Variants in PPME1 observed in about 807,000 individuals in gnomAD.
PPME1 encodes testicular secretory protein Li 39.
A neutral mutation model predicts 56.9 loss-of-function variants in PPME1; 17 were observed. The observed-to-expected ratio is 0.30, with a 90% CI of 0.20 to 0.45. PPME1 has a LOEUF of 0.45. Among genes scored for constraint, PPME1 ranks in the 20% least tolerant of loss-of-function variants. The probability of loss-of-function intolerance (pLI) is 1.00; values close to 1 mark genes in which losing one functional copy is unlikely to be tolerated. For synonymous variants in PPME1, 122 were observed against 156.2 expected (o/e 0.78, Z 1.63); for missense variants, 357 against 483.2 (o/e 0.74, Z 2.45).
intron 11 of PPME1, chr11:74,250,696 C>G (rs920431845): frequency 3.6e-5 from 16 of 440,796 alleles, no homozygotes; most frequent in Middle Eastern, 6.1e-4. Flanking sequence ...AGGACAAGAA[C>G]TGTTTCTTCT....
intron 1 of PPME1, among the ~76,000 whole-genome samples, chr11:74,174,420 AC>A (rs1857359221): frequency 6.6e-6 from 1 of 152,170 alleles, no homozygotes; most frequent in African/African-American, 2.4e-5. Context: ...GAAGTCTCAC[AC>A]CAATTTCAAA....
intron 1 of PPME1, among the ~76,000 whole-genome samples, chr11:74,200,574 G>A (rs1435080643): frequency 2.0e-5 from 3 of 152,030 alleles, no homozygotes; most frequent in African/African-American, 4.8e-5. Context: ...GTAGAGACAG[G>A]GTTTTGCAGT....
At position 74,228,939 on chromosome 11, in the gene PPME1, C is replaced by T. The variant is rs1038270306; in HGVS notation, c.399-1306C>T. Among the ~76,000 whole-genome samples, 9 of 152,210 alleles carry T rather than the reference C, an allele frequency of 5.9e-5. No homozygotes were observed. The East Asian group carries it at 1.3e-3, about 23-fold the overall frequency. On this transcript the variant is annotated intron_variant, in intron 5 of 13. Coordinates refer to ENST00000328257, the MANE Select transcript of PPME1 (RefSeq NM_016147.3). ...ACTTTTCGTCTTAACTATTTGTTATCGCTTTGGATGACTGCCTGAACTGCT... is the reference window on the plus strand; with the variant it reads ...ACTTTTCGTCTTAACTATTTGTTATTGCTTTGGATGACTGCCTGAACTGCT...
chr11:74,252,266 T>A (rs911831461), intron 13 of PPME1: 4 of 295,906 alleles, frequency 1.4e-5, no homozygotes, highest in African/African-American at 4.4e-5. Flanking sequence ...TTTTTTTTTT[T>A]AGTAAAGATG....
intron 1 of PPME1, chr11:74,198,701 C>T (rs185275661): frequency 1.3e-5 from 2 of 152,156 alleles, no homozygotes; most frequent in African/African-American, 2.4e-5. Context: ...AATCCTCCCC[C>T]CTTGACCTCC....
At chr11:74,253,382 T>G in intron 13 of PPME1, 110 bp from the exon 14 acceptor site, 2 of 1,122,550 alleles carry the variant, frequency 1.8e-6, no homozygotes, top group Non-Finnish European at 2.6e-6. Context: ...GGGTCAGATT[T>G]GCCAGGGCCT....
chr11:74,231,230 A>T (rs749476331), intron 7 of PPME1, among the ~76,000 whole-genome samples: 28 of 152,038 alleles, frequency 1.8e-4, no homozygotes, highest in Non-Finnish European at 3.4e-4. Context: ...GCTAATTTTT[A>T]AATTTTTTGT....
chr11:74,230,416 C>A lies in PPME1; in HGVS notation c.553+17C>A, dbSNP rs756281154. On this transcript the variant is annotated intron_variant, in intron 6 of 13. Transcript: ENST00000328257. The surrounding 1 kb of genome is among the most constrained non-coding windows in gnomAD (Gnocchi z 4.9). The stretch of plus-strand genomic sequence containing the variant: ...TTGTAGAAGGTGAGTTTTCTTAGCA[C>A]TGACCAAATCAGGATTTCACTTATA... 7 of 1,612,108 alleles carry A rather than the reference C, an allele frequency of 4.3e-6. No homozygotes were observed. Among genetic ancestry groups the A allele is most frequent in the African/African-American group, 1.3e-5 (1 of 74,858 alleles).
chr11:74,190,736 A>T (rs1212905572), intron 1 of PPME1, among the ~76,000 whole-genome samples: 1 of 152,226 alleles, frequency 6.6e-6, no homozygotes, highest in African/African-American at 2.4e-5. Context: ...AGACAGGAAG[A>T]TGAGGAAAAG....
intron 3 of PPME1, among the ~76,000 whole-genome samples, chr11:74,211,696 T>C (rs1381339779): frequency 6.6e-6 from 1 of 152,122 alleles, no homozygotes; most frequent in Non-Finnish European, 1.5e-5. Context: ...ATATTTCATA[T>C]ATGTGCAAAA....
In PPME1 at chr11:74,173,460, TGA is replaced by T. The variant is rs533430486; in HGVS notation, c.101+1943_101+1944del. On this transcript the variant is annotated intron_variant, in intron 1 of 13. Coordinates refer to ENST00000328257, the MANE Select transcript of PPME1 (RefSeq NM_016147.3). Reference sequence around the variant, plus strand: ...AGATTGAAGAACTGAATGAAGATACTGAGAGAAAAAAAAAGGAAAATCTGCTG... The same window carrying T: ...AGATTGAAGAACTGAATGAAGATACTGAGAAAAAAAAAGGAAAATCTGCTG... Among the ~76,000 whole-genome samples the T allele has an allele frequency of 9.9e-5, 15 of 151,912 alleles. No individual in the cohort carries two copies. In the East Asian group the frequency reaches 1.7e-3, roughly 18 times the overall value.
chr11:74,214,509 C>T (rs1858570733), intron 3 of PPME1, among the ~76,000 whole-genome samples: 1 of 151,996 alleles, frequency 6.6e-6, no homozygotes. Context: ...CCAAATAAGA[C>T]TACCTCAAGG....
At chr11:74,200,445 G>A (rs761252005) in intron 1 of PPME1, among the ~76,000 whole-genome samples, 1 of 150,296 alleles carries the variant, frequency 6.7e-6, no homozygotes, top group Non-Finnish European at 1.5e-5. Flanking sequence ...GCAGTGGCAC[G>A]ATTTTGACTC....
chr11:74,222,438 A>G (rs1235868271), intron 4 of PPME1, 69 bp downstream of exon 4: 2 of 1,354,896 alleles, frequency 1.5e-6, no homozygotes, highest in African/African-American at 1.5e-5. Flanking sequence ...AGTTGTAACT[A>G]TTAGAAATTT....
At chr11:74,199,703 C>T (rs1166807401) in intron 1 of PPME1, among the ~76,000 whole-genome samples, 1 of 152,098 alleles carries the variant, frequency 6.6e-6, no homozygotes, top group Non-Finnish European at 1.5e-5. Flanking sequence ...AAAGACATAT[C>T]CAAGACTGGG....
chr11:74,171,417 C>A lies in PPME1; in HGVS notation c.-5C>A. 6.2e-7 allele frequency: 1 copy of A among 1,609,716 alleles called. No individual in the cohort carries two copies. Among genetic ancestry groups the A allele is most frequent in the Non-Finnish European group, 8.5e-7 (1 of 1,178,208 alleles). On this transcript the variant is annotated 5_prime_UTR_variant, in exon 1 of 14. Transcript: ENST00000328257. Reference sequence around the variant, plus strand: ...GTTTGACTACGTGCGTGCAGCCTCCCCTCGATGTCGGCCCTCGAAAAGAGC... The same window carrying A: ...GTTTGACTACGTGCGTGCAGCCTCCACTCGATGTCGGCCCTCGAAAAGAGC...
chr11:74,180,384 G>A (rs1857500815), intron 1 of PPME1, among the ~76,000 whole-genome samples: 1 of 152,102 alleles, frequency 6.6e-6, no homozygotes, highest in African/African-American at 2.4e-5. Flanking sequence ...CTAACTGAAC[G>A]AGAAACCCAA....
At chr11:74,244,909 AAT>A (rs1859467299) in intron 9 of PPME1, among the ~76,000 whole-genome samples, 1 of 152,176 alleles carries the variant, frequency 6.6e-6, no homozygotes, top group Non-Finnish European at 1.5e-5. Context: ...TTCACTTTGG[AAT>A]ATGCATATCT....
At chr11:74,218,942 G>A (rs2135644176) in intron 3 of PPME1, among the ~76,000 whole-genome samples, 1 of 152,048 alleles carries the variant, frequency 6.6e-6, no homozygotes, top group Non-Finnish European at 1.5e-5. Flanking sequence ...ACAAAGTGAA[G>A]AAACAACCCA....
Sources: gnomAD v4.1 joint callset for allele counts (sites outside exome capture counted in the v4.1 genomes callset) on GRCh38, gnomAD v4.1.1 for gene constraint, Gnocchi (gnomAD v3.1) non-coding constraint, MANE v1.5 for transcripts, NCBI Gene and HGNC (gene_info 2026-07-23, HGNC 2026-07-21) for gene names.